The following ZNF83 variants were observed in gnomAD, a reference collection of about 807,000 sequenced individuals.
The protein encoded by ZNF83 is zinc finger protein 816B.
For missense variants in ZNF83, 552 were observed against 629.9 expected (o/e 0.88, Z 1.32); for synonymous variants, 209 against 213.0 (o/e 0.98, Z 0.17).
At chr19:52,614,649 G>C in exon 3 of ZNF83, 1 of 1,396,120 alleles carries the variant, frequency 7.2e-7, no homozygotes, top group Non-Finnish European at 9.4e-7. Context: ...GACACTGAGA[G>C]TCATGTACAT....
chr19:52,640,970 G>C (rs2061295585), upstream of ZNF83, among the ~76,000 whole-genome samples: 1 of 152,102 alleles, frequency 6.6e-6, no homozygotes, highest in Non-Finnish European at 1.5e-5. Flanking sequence ...ATTTAGTCCA[G>C]GCGGGCAAGA....
At chr19:52,638,538 T>C (rs967473871), upstream of ZNF83, 11 of 152,270 alleles carry the variant, frequency 7.2e-5, no homozygotes, top group Non-Finnish European at 1.3e-4. Context: ...AGAGGCATTT[T>C]TCGGGTTTTG....
intron 3 of ZNF83, chr19:52,655,232 G>T: frequency 3.8e-6 from 1 of 263,268 alleles, no homozygotes; most frequent in Non-Finnish European, 7.1e-6. Context: ...GGAAACACTT[G>T]TCAGTCACTG....
chr19:52,677,724 T>C (rs1030021710), intron 1 of ZNF83, among the ~76,000 whole-genome samples: 7 of 151,726 alleles, frequency 4.6e-5, no homozygotes, highest in African/African-American at 1.7e-4. Context: ...GCTGAGTAGG[T>C]AGAGATCGGT....
In ZNF83 at chr19:52,679,488, A is replaced by AT. The variant is rs561660925; in HGVS notation, c.-283+10954dup. On this transcript the variant is annotated intron_variant, in intron 1 of 5. Transcript: ENST00000594682. ...TGGCCAGGTATGGTGGAGCATGCTT[A>AT]TAAGCCCTGCTACAAGGGAGGCTCA... Among the ~76,000 whole-genome samples, 39 of 152,248 alleles carry AT rather than the reference A, an allele frequency of 2.6e-4. No individual in the cohort carries two copies. In the East Asian group the frequency reaches 7.4e-3, roughly 29 times the overall value.
At chr19:52,645,001 A>C (rs2061354130) in intron 3 of ZNF83, among the ~76,000 whole-genome samples, 1 of 143,482 alleles carries the variant, frequency 7.0e-6, no homozygotes, top group African/African-American at 2.7e-5. Context: ...CAAGAGCAAA[A>C]CTCCATCTTA....
chr19:52,688,583 T>C (rs957071742), intron 1 of ZNF83, among the ~76,000 whole-genome samples: 7 of 151,988 alleles, frequency 4.6e-5, no homozygotes, highest in African/African-American at 1.5e-4. Flanking sequence ...GCTCCTCATT[T>C]TGTACCTCTC....
intron 1 of ZNF83, among the ~76,000 whole-genome samples, chr19:52,686,605 G>C (rs760012236): frequency 2.0e-5 from 3 of 151,420 alleles, no homozygotes; most frequent in African/African-American, 4.9e-5. Context: ...ATGGAGACTC[G>C]CTATGCCACC....
chr19:52,631,404 C>T (rs2060954786), intron 2 of ZNF83, among the ~76,000 whole-genome samples: 1 of 152,174 alleles, frequency 6.6e-6, no homozygotes, highest in Admixed American at 6.5e-5. Flanking sequence ...TTTAGGCTGG[C>T]CATGATGTCT....
chr19:52,614,165 A>AT (rs199877693), exon 3 of ZNF83: 21 of 1,613,904 alleles, frequency 1.3e-5, no homozygotes, highest in East Asian at 4.5e-5. Flanking sequence ...GCAAGGTTTG[A>AT]TTTTTTATTG....
intron 1 of ZNF83, 87 bp from the exon 2 acceptor site, chr19:52,635,240 C>A: frequency 2.0e-6 from 1 of 489,194 alleles, no homozygotes. Context: ...GAGACCTCAC[C>A]CTGAGGAAAT....
intron 3 of ZNF83, among the ~76,000 whole-genome samples, chr19:52,645,889 A>G (rs1450129858): frequency 6.6e-6 from 1 of 151,572 alleles, no homozygotes; most frequent in African/African-American, 2.4e-5. Context: ...ATTACACAAG[A>G]GAACAAAAGC....
intron 3 of ZNF83, chr19:52,654,088 T>C: frequency 6.2e-7 from 1 of 1,601,176 alleles, no homozygotes; most frequent in Non-Finnish European, 8.6e-7. Context: ...AGTCTGAAAT[T>C]CGTGCAGTTC....
chr19:52,644,036 G>T (rs1397375812), intron 3 of ZNF83, among the ~76,000 whole-genome samples: 1 of 152,154 alleles, frequency 6.6e-6, no homozygotes. Flanking sequence ...CTTTTGTCCT[G>T]GGGAACACGG....
intron 1 of ZNF83, among the ~76,000 whole-genome samples, chr19:52,687,608 TATA>T (rs1318350426): frequency 3.3e-5 from 1 of 30,560 alleles, no homozygotes; most frequent in African/African-American, 4.0e-4. Flanking sequence ...TGTATATATA[TATA>T]ATGTGTATAT....
chr19:52,673,509 C>CAT (rs1369763035), intron 1 of ZNF83, among the ~76,000 whole-genome samples: 1 of 151,912 alleles, frequency 6.6e-6, no homozygotes, highest in Non-Finnish European at 1.5e-5. Flanking sequence ...ATCACACACA[C>CAT]ACACACACAC....
At chr19:52,636,727 C>T (rs1378860515) in intron 1 of ZNF83, 1 of 152,132 alleles carries the variant, frequency 6.6e-6, no homozygotes, top group Non-Finnish European at 1.5e-5. Flanking sequence ...ATGATCTCGG[C>T]TCACTGCAGC....
intron 3 of ZNF83, among the ~76,000 whole-genome samples, chr19:52,647,066 A>G (rs745589951): frequency 6.6e-6 from 1 of 152,138 alleles, no homozygotes; most frequent in Non-Finnish European, 1.5e-5. Flanking sequence ...TGTTTCACCC[A>G]TTGATCTCTC....
exon 3 of ZNF83, chr19:52,614,316 T>C: frequency 6.2e-7 from 1 of 1,613,580 alleles, no homozygotes; most frequent in South Asian, 1.1e-5. Context: ...TTGCTTTCTC[T>C]TTTTGTGTGA....
Sources: gnomAD v4.1 joint callset for allele counts (sites outside exome capture counted in the v4.1 genomes callset) on GRCh38, gnomAD v4.1.1 for gene constraint, MANE v1.5 for transcripts, NCBI Gene and HGNC (gene_info 2026-07-23, HGNC 2026-07-21) for gene names.